Variants in RND3 observed in about 807,000 individuals in gnomAD.
RND3 encodes Rho family GTPase 3.
In RND3, 8 loss-of-function variants were observed where a neutral mutation model predicts 26.5. The observed-to-expected ratio is 0.30, with a 90% CI of 0.18 to 0.54. The LOEUF (loss-of-function observed/expected upper bound fraction) is 0.54. RND3 is among the 20% of genes least tolerant of loss of function. The pLI is 0.94. For missense variants in RND3, 207 were observed against 302.8 expected (o/e 0.68, Z 2.35); for synonymous variants, 113 against 113.0 (o/e 1.00, Z 0.00).
At chr2:150,472,354 A>G (rs1234669388) in intron 4 of RND3, among the ~76,000 whole-genome samples, 1 of 152,182 alleles carries the variant, frequency 6.6e-6, no homozygotes, top group African/African-American at 2.4e-5. Context: ...AGACCATGAC[A>G]TTTGCAAAGG....
At chr2:150,487,220 A>G in intron 2 of RND3, 48 bp downstream of exon 2, 1 of 1,445,188 alleles carries the variant, frequency 6.9e-7, no homozygotes, top group Non-Finnish European at 9.2e-7. Context: ...CGGGACTGGG[A>G]TCCCACTGGC....
intron 3 of RND3, 34 bp from the exon 4 acceptor site, chr2:150,475,018 T>G (rs1184846728): frequency 7.4e-7 from 1 of 1,342,830 alleles, no homozygotes; most frequent in South Asian, 1.2e-5. Context: ...AATTTTCAGA[T>G]GAGAGTCCCC....
At chr2:150,482,380 T>C (rs893771438) in intron 3 of RND3, among the ~76,000 whole-genome samples, 1 of 152,346 alleles carries the variant, frequency 6.6e-6, no homozygotes, top group Middle Eastern at 3.4e-3. Context: ...GCTTGGCAAA[T>C]GTGGCCAATT....
intron 3 of RND3, among the ~76,000 whole-genome samples, chr2:150,479,830 T>G (rs1686239874): frequency 6.6e-6 from 1 of 152,232 alleles, no homozygotes; most frequent in Admixed American, 6.5e-5. Context: ...ATACCATGCC[T>G]GCAAATATGC....
intron 3 of RND3, among the ~76,000 whole-genome samples, chr2:150,485,604 G>A (rs1051832061): frequency 5.9e-5 from 9 of 152,152 alleles, no homozygotes; most frequent in Non-Finnish European, 8.8e-5. Flanking sequence ...AGCCTTCCCA[G>A]TGGGTCCTGC....
chr2:150,479,575 T>C (rs1686236479), intron 3 of RND3, among the ~76,000 whole-genome samples: 1 of 152,196 alleles, frequency 6.6e-6, no homozygotes, highest in South Asian at 2.1e-4. Context: ...CAGAGAAAAG[T>C]AGATTAACTT....
chr2:150,481,777 T>C (rs1686276721), intron 3 of RND3, among the ~76,000 whole-genome samples: 1 of 152,144 alleles, frequency 6.6e-6, no homozygotes, highest in Non-Finnish European at 1.5e-5. Context: ...TTTAAGCTGC[T>C]TTTCTGGATT....
Position 150,469,174 on chromosome 2 carries a change from T to G in RND3, c.*813A>C, listed in dbSNP as rs530268382. The G allele has an allele frequency of 2.0e-5, 3 of 152,640 alleles. No homozygotes were observed. The highest frequency in any genetic ancestry group is 6.5e-5 in the Admixed American group (1 of 15,282). 9.5% of individuals were successfully genotyped at this position (152,640 alleles called of 1,614,324 possible). ...CACCTTTTATTTGACTTTGCATTTT[T>G]ATCAACGATGGCAAAAAATCACACA... is the stretch of plus-strand genomic sequence containing the variant. On this transcript the variant is annotated 3_prime_UTR_variant, in exon 6 of 6. Transcript: ENST00000263895.
chr2:150,475,074 A>C (rs1686143792), intron 3 of RND3, 90 bp from the exon 4 acceptor site: 1 of 745,196 alleles, frequency 1.3e-6, no homozygotes, highest in African/African-American at 1.7e-5. Context: ...AAGTCCTTTG[A>C]CTGTCACATC....
intron 3 of RND3, among the ~76,000 whole-genome samples, chr2:150,477,487 G>T (rs540579943): frequency 1.3e-5 from 2 of 152,152 alleles, no homozygotes; most frequent in Non-Finnish European, 2.9e-5. Context: ...CCACATGACT[G>T]CTGGGAATAC....
In RND3 at chr2:150,469,863, C is replaced by G. The variant is rs1686053551; in HGVS notation, c.*124G>C. 2 of 1,115,384 alleles carry G rather than the reference C, an allele frequency of 1.8e-6. No individual in the cohort carries two copies. Among genetic ancestry groups the G allele is most frequent in the Admixed American group, 5.3e-5 (2 of 37,892 alleles). The allele number at this position is 1,115,384 out of a possible 1,614,324, so 69.1% of individuals were successfully genotyped here. A position where few individuals can be genotyped will look rare whatever the true frequency, so the allele number is the denominator to read the frequency against. On this transcript the variant is annotated 3_prime_UTR_variant, in exon 6 of 6. Transcript: ENST00000263895. ...GATTCCAAAAAGATGAGTATCCTCT[C>G]AAACGCCTCCTAAGCCTCTGGTATA...
chr2:150,479,093 C>T (rs971141371), intron 3 of RND3, among the ~76,000 whole-genome samples: 4 of 152,268 alleles, frequency 2.6e-5, no homozygotes, highest in African/African-American at 9.6e-5. Flanking sequence ...AACAAGTGTA[C>T]ACTTGGGGTT....
chr2:150,487,161 T>TC (rs1491541987), intron 2 of RND3, 107 bp downstream of exon 2: 328 of 382,400 alleles, frequency 8.6e-4, no homozygotes, highest in Non-Finnish European at 9.8e-4. Flanking sequence ...TTTTTTTTTC[T>TC]TTTTTTTTTT....
In RND3 at chr2:150,474,923, A is replaced by G; in HGVS notation, c.300T>C (p.Ile100=). ...TCTCTGGTCTACTGATGTCAAAGCA[A>G]ATCAGCACAGCATCCGAATCAGGGT... ...LSYPDSDAVL[I]CFDISRPETL... The change falls in exon 4 of 6, where the codon ATT becomes ATC. Residue 100 remains isoleucine, a synonymous_variant. Transcript: ENST00000263895. The G allele has an allele frequency of 6.2e-7, 1 of 1,613,560 alleles. No individual in the cohort carries two copies. Among genetic ancestry groups the G allele is most frequent in the Non-Finnish European group, 8.5e-7 (1 of 1,179,618 alleles).
intron 3 of RND3, among the ~76,000 whole-genome samples, chr2:150,476,438 G>A (rs1015095598): frequency 3.3e-5 from 5 of 152,224 alleles, no homozygotes; most frequent in African/African-American, 1.2e-4. Flanking sequence ...CCAGGCAACA[G>A]TGCAGCTTTT....
intron 3 of RND3, among the ~76,000 whole-genome samples, chr2:150,481,820 A>G (rs182172460): frequency 1.3e-4 from 20 of 152,244 alleles, no homozygotes; most frequent in Non-Finnish European, 2.9e-4. Flanking sequence ...CTGCTGAACC[A>G]TTTCCATCCC....
chr2:150,473,096 C>T (rs1016072176), intron 4 of RND3, among the ~76,000 whole-genome samples: 5 of 150,198 alleles, frequency 3.3e-5, no homozygotes, highest in African/African-American at 1.2e-4. Context: ...GTAGGAACAC[C>T]TACCACATGC....
At chr2:150,473,522 C>A (rs542174914) in intron 4 of RND3, among the ~76,000 whole-genome samples, 1 of 152,204 alleles carries the variant, frequency 6.6e-6, no homozygotes, top group East Asian at 1.9e-4. Flanking sequence ...CAATTGTTTA[C>A]AAGCATTAAA....
chr2:150,469,930 G>T lies in RND3; in HGVS notation c.*57C>A. 2 of 1,590,102 alleles carry T rather than the reference G, an allele frequency of 1.3e-6. No individual in the cohort carries two copies. Among genetic ancestry groups the T allele is most frequent in the Non-Finnish European group, 8.6e-7 (1 of 1,165,152 alleles). On this transcript the variant is annotated 3_prime_UTR_variant, in exon 6 of 6. Transcript: ENST00000263895. ...CACTTCATTTAGACTTCACCTTTTTGTTTGCTGTTGTTTTTTACACTAGAT... is the reference window on the plus strand; with the variant it reads ...CACTTCATTTAGACTTCACCTTTTTTTTTGCTGTTGTTTTTTACACTAGAT...
Sources: allele counts gnomAD v4.1 joint callset (sites outside exome capture counted in the v4.1 genomes callset), GRCh38; gene constraint gnomAD v4.1.1; transcripts MANE v1.5; gene names NCBI Gene and HGNC (gene_info 2026-07-23, HGNC 2026-07-21).